EYS: variants seen among roughly 807,000 people sequenced by gnomAD.
EYS encodes the protein EGF-like photoreceptor maintenance factor, also known as protein eyes shut homolog.
EYS carries 250 observed loss-of-function variants against 282.1 expected under a neutral mutation model. That is an observed-to-expected ratio of 0.89 (90% confidence interval 0.80 to 0.98). The LOEUF (loss-of-function observed/expected upper bound fraction) is 0.98. Ranked by LOEUF, EYS falls within the 50% of genes least tolerant of loss-of-function variation. The pLI, the probability that EYS is intolerant of heterozygous loss-of-function variation, is 0.00. For missense variants in EYS, 4,016 were observed against 3,709.0 expected (o/e 1.08, Z -2.15); for synonymous variants, 1,355 against 1,282.9 (o/e 1.06, Z -1.20).
At chr6:65,670,013 C>A (rs559117793) in intron 1 of EYS, among the ~76,000 whole-genome samples, 2 of 141,618 alleles carry the variant, frequency 1.4e-5, no homozygotes, top group Non-Finnish European at 1.5e-5. Context: ...CCTCCTCCTC[C>A]TCATTGTTTT....
chr6:65,030,211 C>T (rs1049355335), intron 13 of EYS, among the ~76,000 whole-genome samples: 5 of 152,070 alleles, frequency 3.3e-5, no homozygotes, highest in African/African-American at 1.2e-4. Flanking sequence ...CTGAGCTTTC[C>T]CTTCTCTGCC....
intron 31 of EYS, among the ~76,000 whole-genome samples, chr6:64,173,453 T>C (rs1176916354): frequency 1.3e-5 from 2 of 152,260 alleles, no homozygotes; most frequent in East Asian, 3.9e-4. Flanking sequence ...TTTAGGAGTT[T>C]ATTGTCCTTT....
intron 22 of EYS, among the ~76,000 whole-genome samples, chr6:64,628,921 G>A (rs540860702): frequency 2.8e-4 from 43 of 151,982 alleles, no homozygotes; most frequent in Non-Finnish European, 3.4e-4. Flanking sequence ...TGTTAACATC[G>A]TACATTCACA....
intron 28 of EYS, among the ~76,000 whole-genome samples, chr6:64,410,863 T>C (rs1773866285): frequency 6.6e-6 from 1 of 152,170 alleles, no homozygotes; most frequent in African/African-American, 2.4e-5. Context: ...AAGGACACTT[T>C]CTTTCCTCAG....
intron 5 of EYS, among the ~76,000 whole-genome samples, chr6:65,415,118 C>T (rs542381740): frequency 1.6e-4 from 24 of 151,828 alleles, no homozygotes; most frequent in African/African-American, 5.1e-4. Context: ...TTAGCAATGG[C>T]GATTTAATAA....
At chr6:65,370,553 T>C (rs1347986106) in intron 8 of EYS, among the ~76,000 whole-genome samples, 6 of 151,836 alleles carry the variant, frequency 4.0e-5, no homozygotes, top group Non-Finnish European at 8.8e-5. Flanking sequence ...AACGCTTCTT[T>C]CTTTGACCGA....
chr6:64,667,084 A>G lies in EYS; in HGVS notation c.3444-40839T>C, dbSNP rs73438988. ...AATCAAGAGGAGTTTCATAGTTGAT[A>G]TTTAAGAACACCAAGAACTTTCCCT... On this transcript the variant is annotated intron_variant, in intron 22 of 42. Coordinates refer to ENST00000503581, the MANE Select transcript of EYS (RefSeq NM_001142800.2). Among the ~76,000 whole-genome samples the G allele has an allele frequency of 4.4e-3, 663 of 151,910 alleles. 4 individuals carry two copies. The highest frequency in any genetic ancestry group is 0.015 in the African/African-American group (611 of 41,474).
chr6:65,203,365 T>C (rs1263497910), intron 12 of EYS, among the ~76,000 whole-genome samples: 4 of 152,068 alleles, frequency 2.6e-5, no homozygotes, highest in Non-Finnish European at 5.9e-5. Context: ...TACCTCACCA[T>C]CTCTGTAGGA....
chr6:65,663,872 T>TC (rs1158203538), intron 1 of EYS, among the ~76,000 whole-genome samples: 20 of 138,022 alleles, frequency 1.4e-4, no homozygotes, highest in Non-Finnish European at 2.0e-4. Flanking sequence ...TTTTCTTTTT[T>TC]TTTTTTTTTT....
At chr6:64,749,391 A>G (rs1772668286) in intron 22 of EYS, among the ~76,000 whole-genome samples, 2 of 152,180 alleles carry the variant, frequency 1.3e-5, no homozygotes, top group African/African-American at 4.8e-5. Context: ...AAGAACATGG[A>G]CTTTAGAACT....
intron 36 of EYS, among the ~76,000 whole-genome samples, chr6:63,840,757 G>T (rs1011610065): frequency 2.6e-5 from 4 of 152,000 alleles, no homozygotes; most frequent in African/African-American, 7.2e-5. Flanking sequence ...TCTACATAGG[G>T]ATATCCAGTT....
chr6:63,787,539 T>C (rs1282359542), intron 39 of EYS, among the ~76,000 whole-genome samples: 1 of 152,222 alleles, frequency 6.6e-6, no homozygotes, highest in Non-Finnish European at 1.5e-5. Context: ...TATATGACTA[T>C]ATAATTAACT....
intron 22 of EYS, among the ~76,000 whole-genome samples, chr6:64,657,099 C>T (rs1768778461): frequency 6.6e-6 from 1 of 152,152 alleles, no homozygotes; most frequent in African/African-American, 2.4e-5. Context: ...ATCCCTTTAC[C>T]ATTATGTAAT....
At chr6:64,994,627 A>G (rs1353270819) in intron 14 of EYS, among the ~76,000 whole-genome samples, 1 of 152,100 alleles carries the variant, frequency 6.6e-6, no homozygotes, top group African/African-American at 2.4e-5. Flanking sequence ...TCCACTTCAA[A>G]TCCTTCACAT....
At chr6:63,843,533 T>C (rs1772019521) in intron 36 of EYS, among the ~76,000 whole-genome samples, 1 of 152,196 alleles carries the variant, frequency 6.6e-6, no homozygotes, top group South Asian at 2.1e-4. Context: ...AGAAAAGATC[T>C]TCAATAAAAT....
chr6:63,870,660 G>T (rs1329573779), intron 35 of EYS, among the ~76,000 whole-genome samples: 13 of 152,066 alleles, frequency 8.5e-5, no homozygotes, highest in Admixed American at 8.5e-4. Context: ...GATTTGGCAG[G>T]CTTGCTCTAA....
intron 31 of EYS, among the ~76,000 whole-genome samples, chr6:64,198,007 T>TTTA (rs553129640): frequency 0.037 from 5,505 of 148,284 alleles, 117 homozygotes; most frequent in Non-Finnish European, 0.047. Flanking sequence ...TTATTTATTT[T>TTTA]TTTGAGACGG....
chr6:64,440,170 C>A (rs1561995717), intron 26 of EYS, among the ~76,000 whole-genome samples: 1 of 151,776 alleles, frequency 6.6e-6, no homozygotes, highest in South Asian at 2.1e-4. Context: ...TTTATAACTA[C>A]TAGAAAATAT....
At position 64,712,935 on chromosome 6, in the gene EYS, C is replaced by T. The variant is rs886852204; in HGVS notation, c.3444-86690G>A. Among the ~76,000 whole-genome samples the T allele has an allele frequency of 2.0e-5, 3 of 152,162 alleles. No homozygotes were observed. In the East Asian group the frequency reaches 5.8e-4, roughly 29 times the overall value. Reference sequence around the variant, plus strand: ...CAAAGATCAAATTCATAAAGCCACACATCAAAACAACTATTAGAAGAATGC... The same window carrying T: ...CAAAGATCAAATTCATAAAGCCACATATCAAAACAACTATTAGAAGAATGC... On this transcript the variant is annotated intron_variant, in intron 22 of 42. Transcript: ENST00000503581.
Sources: gnomAD v4.1 joint callset for allele counts (sites outside exome capture counted in the v4.1 genomes callset) on GRCh38, gnomAD v4.1.1 for gene constraint, MANE v1.5 for transcripts, NCBI Gene and HGNC (gene_info 2026-07-23, HGNC 2026-07-21) for gene names.